The following CRISPLD1 variants were observed in gnomAD, a reference collection of about 807,000 sequenced individuals.
CRISPLD1 encodes the protein cysteine rich secretory protein LCCL domain containing 1.
CRISPLD1 carries 60 observed loss-of-function variants against 77.5 expected under a neutral mutation model. That is an observed-to-expected ratio of 0.77 (90% CI 0.63 to 0.96). CRISPLD1 has a LOEUF of 0.96. Among genes scored for constraint, CRISPLD1 ranks in the 40% least tolerant of loss-of-function variants. The probability of loss-of-function intolerance (pLI) is 0.00; values close to 1 mark genes in which losing one functional copy is unlikely to be tolerated. For missense variants in CRISPLD1, 623 were observed against 615.8 expected, an observed-to-expected ratio of 1.01 and a Z score of -0.12; for synonymous variants, 195 against 200.1, an observed-to-expected ratio of 0.97 and a Z score of 0.22.
intron 2 of CRISPLD1, among the ~76,000 whole-genome samples, chr8:74,994,189 A>G (rs1193209283): frequency 1.3e-5 from 2 of 152,230 alleles, no homozygotes; most frequent in African/African-American, 4.8e-5. Context: ...GTAATCGTAC[A>G]ACAGTTGATG....
chr8:75,000,268 ATGT>A lies in CRISPLD1; in HGVS notation c.259-12161_259-12159del, dbSNP rs1812717714. 9.1e-6 allele frequency: 9 copies of A among 985,230 alleles called. No homozygotes were observed. In the South Asian group the frequency reaches 1.4e-4, roughly 15 times the overall value. The allele number at this position is 985,230 out of a possible 1,614,324, so 61.0% of individuals were successfully genotyped here. A position where few individuals can be genotyped will look rare whatever the true frequency, so the allele number is the denominator to read the frequency against. ...TGAAATAGTGAATGAATGAGATCAG[ATGT>A]TGTCCAGAGAAGGAAAATCAAATGA... On this transcript the variant is annotated intron_variant, in intron 2 of 14. Coordinates refer to ENST00000262207, the MANE Select transcript of CRISPLD1 (RefSeq NM_031461.6).
Position 75,009,776 on chromosome 8 carries a change from G to A in CRISPLD1, c.259-2657G>A, listed in dbSNP as rs1812897512. On this transcript the variant is annotated intron_variant, in intron 2 of 14. Transcript: ENST00000262207. Reference sequence around the variant, plus strand: ...TTCTCCAACTTTCTAGATACAAAAGGAAATCAACATTTTGCCCATTTTCTG... The same window carrying A: ...TTCTCCAACTTTCTAGATACAAAAGAAAATCAACATTTTGCCCATTTTCTG... Among the ~76,000 whole-genome samples the A allele has an allele frequency of 2.6e-5, 4 of 152,038 alleles. No individual in the cohort carries two copies. In the South Asian group the frequency reaches 8.3e-4, roughly 31 times the overall value.
At chr8:74,990,801 C>T (rs1272733977) in intron 2 of CRISPLD1, among the ~76,000 whole-genome samples, 1 of 151,268 alleles carries the variant, frequency 6.6e-6, no homozygotes. Flanking sequence ...GAAAATTGGG[C>T]ACATCGTTAA....
At chr8:75,011,108 CT>C (rs10651923) in intron 2 of CRISPLD1, among the ~76,000 whole-genome samples, 37 of 149,758 alleles carry the variant, frequency 2.5e-4, no homozygotes, top group Non-Finnish European at 3.1e-4. Context: ...GTTTAAATTT[CT>C]TTTTTTTTGT....
Position 75,004,450 on chromosome 8 carries a change from C to T in CRISPLD1, c.259-7983C>T, listed in dbSNP as rs954953575. ...TTCATTGACGTCTGGGAGAAAATTACATAGCTTTACAGATTTTATAATGAG... is the reference window on the plus strand; with the variant it reads ...TTCATTGACGTCTGGGAGAAAATTATATAGCTTTACAGATTTTATAATGAG... On this transcript the variant is annotated intron_variant, in intron 2 of 14. Coordinates refer to ENST00000262207, the MANE Select transcript of CRISPLD1 (RefSeq NM_031461.6). Among the ~76,000 whole-genome samples, 21 of 152,246 alleles carry T rather than the reference C, an allele frequency of 1.4e-4. No individual in the cohort carries two copies. The East Asian group carries it at 3.5e-3, about 25-fold the overall frequency.
intron 12 of CRISPLD1, among the ~76,000 whole-genome samples, chr8:75,021,331 CAAT>C (rs1273957912): frequency 5.3e-5 from 8 of 152,160 alleles, no homozygotes; most frequent in African/African-American, 1.9e-4. Context: ...GTGATATAAA[CAAT>C]AAATGTCCTC....
At chr8:75,013,144 A>AT in intron 4 of CRISPLD1, 122 bp downstream of exon 4, 2 of 715,114 alleles carry the variant, frequency 2.8e-6, no homozygotes, top group Non-Finnish European at 4.0e-6. Flanking sequence ...TTATATGGAT[A>AT]TTGATTATGT....
chr8:75,004,864 CTTTATTTAAATG>C lies in CRISPLD1; in HGVS notation c.259-7565_259-7554del, dbSNP rs539387258. Among the ~76,000 whole-genome samples the C allele has an allele frequency of 6.3e-3, 961 of 152,196 alleles. 6 individuals carry two copies. The highest frequency in any genetic ancestry group is 0.011 in the Non-Finnish European group (733 of 67,964). On this transcript the variant is annotated intron_variant, in intron 2 of 14. Coordinates refer to ENST00000262207, the MANE Select transcript of CRISPLD1 (RefSeq NM_031461.6). ...AAAAAATTATATTTAGAAGTCTGTG[CTTTATTTAAATG>C]TTTTACCATCATATTTTCAGGACTA...
At chr8:74,992,912 T>TTG (rs1563607214) in intron 2 of CRISPLD1, among the ~76,000 whole-genome samples, 2 of 150,690 alleles carry the variant, frequency 1.3e-5, no homozygotes, top group African/African-American at 4.9e-5. Flanking sequence ...ATGGTTTTTT[T>TTG]TTTTTTTTTT....
At chr8:75,017,619 TA>T (rs1347696681) in intron 10 of CRISPLD1, among the ~76,000 whole-genome samples, 169 bp downstream of exon 10, 2 of 152,194 alleles carry the variant, frequency 1.3e-5, no homozygotes, top group East Asian at 3.8e-4. Context: ...ATAACGCATT[TA>T]AGGTCAAAGT....
chr8:74,988,477 A>G (rs534505482), intron 2 of CRISPLD1, among the ~76,000 whole-genome samples: 7 of 152,256 alleles, frequency 4.6e-5, no homozygotes, highest in Admixed American at 6.5e-5. Context: ...GCCAGGCTAT[A>G]TCCAGACATT....
At chr8:75,013,300 A>T (rs574778499) in intron 4 of CRISPLD1, among the ~76,000 whole-genome samples, 40 of 152,242 alleles carry the variant, frequency 2.6e-4, no homozygotes, top group Middle Eastern at 3.4e-3. Context: ...GAAATTTACC[A>T]TCTTCAATGT....
chr8:75,020,059 G>A lies in CRISPLD1; in HGVS notation c.1224G>A (p.Lys408=). The A allele has an allele frequency of 6.2e-7, 1 of 1,614,078 alleles. No individual in the cohort carries two copies. ...TTVEQLCPFH[K]PASHCPRVYC... is the part of the protein sequence containing the mutation. The stretch of plus-strand genomic sequence containing the variant: ...TGGAACAGCTCTGTCCATTTCATAA[G>A]CCTGCTTCACATTGCCCAAGGTAAA... Residue 408 remains lysine (K), a synonymous_variant, in exon 12 of 15, where the codon AAG becomes AAA. Transcript: ENST00000262207.
rs1217157957 is a variant in CRISPLD1 at position 75,033,150 on chromosome 8, G to A, written c.*908G>A. ...ATTGCCATATCATGGTACCTATAAT[G>A]GTGATATATTTGTTTCTATGAAAAA... is the stretch of plus-strand genomic sequence containing the variant. On this transcript the variant is annotated 3_prime_UTR_variant, in exon 15 of 15. Transcript: ENST00000262207. 6.6e-6 allele frequency: 1 copy of A among 152,034 alleles called. No individual in the cohort carries two copies. Among genetic ancestry groups the A allele is most frequent in the Non-Finnish European group, 1.5e-5 (1 of 67,782 alleles). The allele number at this position is 152,034 out of a possible 1,614,324, so 9.4% of individuals were successfully genotyped here.
intron 2 of CRISPLD1, among the ~76,000 whole-genome samples, chr8:74,990,986 T>C (rs1812564559): frequency 6.6e-6 from 1 of 151,860 alleles, no homozygotes; most frequent in Non-Finnish European, 1.5e-5. Context: ...TAGCAGACTA[T>C]ACCAATCCTA....
chr8:75,014,130 T>G (rs1158531709), intron 5 of CRISPLD1, 28 bp downstream of exon 5: 1 of 1,384,708 alleles, frequency 7.2e-7, no homozygotes, highest in Non-Finnish European at 1.0e-6. Flanking sequence ...TACGTTCAGA[T>G]GTACATTTTT....
At chr8:75,024,710 G>A (rs1439772211) in intron 12 of CRISPLD1, among the ~76,000 whole-genome samples, 1 of 152,136 alleles carries the variant, frequency 6.6e-6, no homozygotes, top group Non-Finnish European at 1.5e-5. Flanking sequence ...AAGCATAGAA[G>A]AGCCTATTGC....
intron 13 of CRISPLD1, among the ~76,000 whole-genome samples, chr8:75,027,528 A>G (rs1213488380): frequency 2.6e-5 from 4 of 152,188 alleles, no homozygotes; most frequent in African/African-American, 4.8e-5. Context: ...GTTGGAACTC[A>G]TATCTTGAGA....
intron 9 of CRISPLD1, 92 bp from the exon 10 acceptor site, chr8:75,017,228 T>C (rs1813048170): frequency 7.7e-6 from 12 of 1,549,092 alleles, no homozygotes; most frequent in African/African-American, 5.5e-5. Flanking sequence ...GAAATGTTTA[T>C]TTAATTGAAA....
Sources: gnomAD v4.1 joint callset for allele counts (sites outside exome capture counted in the v4.1 genomes callset) on GRCh38, gnomAD v4.1.1 for gene constraint, MANE v1.5 for transcripts, NCBI Gene and HGNC (gene_info 2026-07-23, HGNC 2026-07-21) for gene names.